NELL1: variants seen among roughly 807,000 people sequenced by gnomAD.
NELL1 encodes the protein protein kinase C-binding protein NELL1.
Under a neutral mutation model 107.4 loss-of-function variants are expected in NELL1, and 76 were observed. The ratio of observed to expected loss-of-function variants is 0.71; its 90% CI spans 0.59 to 0.86. The LOEUF (loss-of-function observed/expected upper bound fraction) is 0.86. NELL1 is among the 40% of genes least tolerant of loss of function. The pLI is 0.00. For missense variants in NELL1, 1,024 were observed against 1,005.5 expected (o/e 1.02, Z -0.25); for synonymous variants, 353 against 341.2 (o/e 1.03, Z -0.38).
intron 14 of NELL1, among the ~76,000 whole-genome samples, chr11:21,274,209 T>C (rs1848804258): frequency 6.6e-6 from 1 of 152,058 alleles, no homozygotes; most frequent in Non-Finnish European, 1.5e-5. Context: ...TGGAGGAAGA[T>C]CTACCAATCA....
At chr11:20,976,612 G>A (rs539140834) in intron 12 of NELL1, among the ~76,000 whole-genome samples, 2 of 152,234 alleles carry the variant, frequency 1.3e-5, no homozygotes, top group South Asian at 4.2e-4. Flanking sequence ...TAATGGCTTT[G>A]AAAAGCTCAC....
intron 12 of NELL1, among the ~76,000 whole-genome samples, chr11:21,000,168 C>A (rs11025873): frequency 6.6e-6 from 1 of 151,880 alleles, no homozygotes; most frequent in Admixed American, 6.6e-5. Context: ...TATTGTTTGA[C>A]CTTGAATAAG....
At chr11:21,207,922 A>T (rs1370531849) in intron 13 of NELL1, among the ~76,000 whole-genome samples, 1 of 152,170 alleles carries the variant, frequency 6.6e-6, no homozygotes. Context: ...GTTGTGTATA[A>T]GTTATACAAC....
chr11:21,557,494 C>T (rs1302918008), intron 16 of NELL1, among the ~76,000 whole-genome samples: 1 of 151,994 alleles, frequency 6.6e-6, no homozygotes, highest in Non-Finnish European at 1.5e-5. Context: ...AAATTACCAA[C>T]CCTTTTGTAG....
At chr11:20,708,416 G>C (rs1490162894) in intron 2 of NELL1, among the ~76,000 whole-genome samples, 1 of 152,106 alleles carries the variant, frequency 6.6e-6, no homozygotes, top group East Asian at 1.9e-4. Flanking sequence ...CCGTCTTCTG[G>C]GTCACTCATG....
intron 2 of NELL1, among the ~76,000 whole-genome samples, chr11:20,762,679 A>G (rs1856447995): frequency 6.6e-6 from 1 of 152,240 alleles, no homozygotes; most frequent in African/African-American, 2.4e-5. Flanking sequence ...GGAGAGGGCT[A>G]CAGCCATCGT....
At chr11:21,351,952 TG>T (rs1850827107) in intron 14 of NELL1, among the ~76,000 whole-genome samples, 1 of 152,134 alleles carries the variant, frequency 6.6e-6, no homozygotes, top group Non-Finnish European at 1.5e-5. Flanking sequence ...GGAGAACTGA[TG>T]CTTTATGAAT....
chr11:21,492,868 A>C (rs1854864826), intron 15 of NELL1, among the ~76,000 whole-genome samples: 1 of 152,116 alleles, frequency 6.6e-6, no homozygotes, highest in African/African-American at 2.4e-5. Context: ...CACATTGTGC[A>C]CATGTACCCT....
At chr11:21,061,916 A>G (rs966381477) in intron 12 of NELL1, among the ~76,000 whole-genome samples, 2 of 152,168 alleles carry the variant, frequency 1.3e-5, no homozygotes, top group African/African-American at 4.8e-5. Flanking sequence ...CTGAACTCTC[A>G]TTCTTCCTCC....
At chr11:20,869,755 A>G (rs1849161420) in intron 4 of NELL1, among the ~76,000 whole-genome samples, 1 of 152,226 alleles carries the variant, frequency 6.6e-6, no homozygotes, top group Non-Finnish European at 1.5e-5. Context: ...TGAGAAGAAC[A>G]GAATTGTTAT....
At chr11:21,337,752 C>CTT (rs1329170195) in intron 14 of NELL1, among the ~76,000 whole-genome samples, 1 of 135,772 alleles carries the variant, frequency 7.4e-6, no homozygotes, top group African/African-American at 2.9e-5. Flanking sequence ...TTCTTTCTTT[C>CTT]TTTCTTTCTT....
chr11:21,095,567 G>A (rs1045038327), intron 12 of NELL1, among the ~76,000 whole-genome samples: 22 of 152,098 alleles, frequency 1.4e-4, no homozygotes, highest in Admixed American at 2.6e-4. Context: ...TGGCTGGGGA[G>A]GCCTCACAAT....
At chr11:20,923,720 C>G (rs1850430227) in intron 7 of NELL1, among the ~76,000 whole-genome samples, 2 of 152,186 alleles carry the variant, frequency 1.3e-5, no homozygotes, top group African/African-American at 4.8e-5. Flanking sequence ...TTTGACAAAT[C>G]TATGTATGCA....
intron 15 of NELL1, among the ~76,000 whole-genome samples, chr11:21,498,661 G>A (rs147645295): frequency 3.0e-4 from 45 of 151,122 alleles, no homozygotes; most frequent in Middle Eastern, 3.5e-3. Flanking sequence ...ATTTCTTTAG[G>A]GTATATATCA....
intron 13 of NELL1, among the ~76,000 whole-genome samples, chr11:21,117,031 ATGGC>A (rs1234913244): frequency 6.6e-6 from 1 of 151,908 alleles, no homozygotes; most frequent in East Asian, 1.9e-4. Flanking sequence ...CCATTATGAC[ATGGC>A]CATGCTGACC....
At position 21,156,216 on chromosome 11, in the gene NELL1, A is replaced by G. The variant is rs552895985; in HGVS notation, c.1426+42502A>G. ...CAGAAAACACAGCATCCTAGAAGGAAGGAAATTTTTTTTTAAAGATTAATT... is the reference window on the plus strand; with the variant it reads ...CAGAAAACACAGCATCCTAGAAGGAGGGAAATTTTTTTTTAAAGATTAATT... On this transcript the variant is annotated intron_variant, in intron 13 of 19. Transcript: ENST00000357134. Among the ~76,000 whole-genome samples, 11 of 152,338 alleles carry G rather than the reference A, an allele frequency of 7.2e-5. No homozygotes were observed. The South Asian group carries it at 2.3e-3, about 32-fold the overall frequency.
chr11:20,754,757 G>T (rs1166916363), intron 2 of NELL1, among the ~76,000 whole-genome samples: 1 of 152,150 alleles, frequency 6.6e-6, no homozygotes, highest in African/African-American at 2.4e-5. Context: ...ATAAAATAAT[G>T]TAATGGATAT....
chr11:21,126,654 ATTTCCTT>A (rs1855492499), intron 13 of NELL1, among the ~76,000 whole-genome samples: 1 of 152,136 alleles, frequency 6.6e-6, no homozygotes, highest in African/African-American at 2.4e-5. Flanking sequence ...TGTTCACCAT[ATTTCCTT>A]TTTCTCCCTC....
At chr11:20,884,995 C>T (rs1161914729) in intron 4 of NELL1, among the ~76,000 whole-genome samples, 2 of 152,098 alleles carry the variant, frequency 1.3e-5, no homozygotes, top group East Asian at 1.9e-4. Context: ...CTAAAGAAAC[C>T]GAAGTCGGAG....
Sources: allele counts gnomAD v4.1 joint callset (sites outside exome capture counted in the v4.1 genomes callset), GRCh38; gene constraint gnomAD v4.1.1; transcripts MANE v1.5; gene names NCBI Gene and HGNC (gene_info 2026-07-23, HGNC 2026-07-21).